Variants in SRSF4 observed in about 807,000 individuals in gnomAD.
SRSF4 encodes the protein serine/arginine-rich splicing factor 4.
Under a neutral mutation model 48.8 loss-of-function variants are expected in SRSF4, and 12 were observed. The ratio of observed to expected loss-of-function variants is 0.25; its 90% CI spans 0.16 to 0.40. SRSF4 has a LOEUF of 0.40. SRSF4 is among the 10% of genes least tolerant of loss of function. The pLI is 1.00. For missense variants in SRSF4, 466 were observed against 667.1 expected, an observed-to-expected ratio of 0.70 and a Z score of 3.32; for synonymous variants, 248 against 232.5, an observed-to-expected ratio of 1.07 and a Z score of -0.61.
intron 3 of SRSF4, among the ~76,000 whole-genome samples, chr1:29,159,017 A>G (rs1449354493): frequency 6.6e-6 from 1 of 151,766 alleles, no homozygotes; most frequent in Non-Finnish European, 1.5e-5. Flanking sequence ...TGAGATGGAG[A>G]ATTGCTTGAA....
intron 3 of SRSF4, among the ~76,000 whole-genome samples, chr1:29,156,856 CT>C (rs1339029115): frequency 6.6e-6 from 1 of 152,172 alleles, no homozygotes; most frequent in Non-Finnish European, 1.5e-5. Context: ...AAAATGGAGG[CT>C]GCAAAAGGCT....
chr1:29,159,587 C>A, intron 2 of SRSF4, 101 bp from the exon 3 acceptor site: 1 of 666,660 alleles, frequency 1.5e-6, no homozygotes, highest in Non-Finnish European at 2.5e-6. Context: ...ACCCCCACCC[C>A]AAACAATAGC....
intron 1 of SRSF4, chr1:29,169,359 GCT>G (rs1672714346): frequency 6.6e-6 from 1 of 152,204 alleles, no homozygotes. Context: ...AGAAACACAA[GCT>G]CTTGCACAGA....
rs754976488 is a variant in SRSF4, at chr1:29,154,709, G to T, written c.565C>A (p.Arg189=). ...CATCAACAGTACCTTGAATGACTCC[G>T]GCTTCTGGAGTAGGACCGGCGTCGT... ...SRRRRSYSRS[R]SHSRSRSRSR... is the part of the protein sequence containing the mutation. Residue 189 remains arginine, a synonymous_variant, in exon 4 of 6, where the codon CGG becomes AGG. Coordinates refer to ENST00000373795, the MANE Select transcript of SRSF4 (RefSeq NM_005626.5). The T allele has an allele frequency of 2.0e-5, 32 of 1,614,002 alleles. No homozygotes were observed. The highest frequency in any genetic ancestry group is 3.3e-4 in the Middle Eastern group (2 of 6,084).
chr1:29,178,738 A>C (rs1423842243), intron 1 of SRSF4, among the ~76,000 whole-genome samples: 3 of 152,088 alleles, frequency 2.0e-5, no homozygotes, highest in Non-Finnish European at 4.4e-5. Flanking sequence ...AGGGGACTAT[A>C]AGCTTACATA....
At chr1:29,156,244 C>T (rs964360521) in intron 3 of SRSF4, among the ~76,000 whole-genome samples, 3 of 151,800 alleles carry the variant, frequency 2.0e-5, no homozygotes, top group South Asian at 2.1e-4. Flanking sequence ...ACCCCAGCTA[C>T]CTGGGAGGCT....
At chr1:29,175,470 T>C (rs961742408) in intron 1 of SRSF4, among the ~76,000 whole-genome samples, 1 of 148,394 alleles carries the variant, frequency 6.7e-6, no homozygotes, top group Non-Finnish European at 1.5e-5. Context: ...CCGAGGCGGG[T>C]GGATCATGAG....
chr1:29,175,694 CAAA>C (rs60942124), intron 1 of SRSF4, among the ~76,000 whole-genome samples: 84 of 38,564 alleles, frequency 2.2e-3, no homozygotes, highest in East Asian at 0.014. Flanking sequence ...GACGCTGTCT[CAAA>C]AAAAAAAAAA....
chr1:29,156,010 C>T (rs1672493766), intron 3 of SRSF4, among the ~76,000 whole-genome samples: 1 of 152,064 alleles, frequency 6.6e-6, no homozygotes, highest in Admixed American at 6.6e-5. Flanking sequence ...CTCCAGCCTG[C>T]TGACAGAGCG....
chr1:29,158,082 C>G (rs1019805927), intron 3 of SRSF4, among the ~76,000 whole-genome samples: 4 of 151,802 alleles, frequency 2.6e-5, no homozygotes, highest in African/African-American at 9.7e-5. Flanking sequence ...TGAGGCAGAA[C>G]TACTTGAACC....
intron 1 of SRSF4, among the ~76,000 whole-genome samples, chr1:29,180,604 G>A (rs12401521): frequency 0.11 from 17,470 of 152,118 alleles, 1,362 homozygotes; most frequent in East Asian, 0.41. Context: ...GCAAAGTAGA[G>A]TTTCTTTTTT....
chr1:29,180,071 C>T (rs562961631), intron 1 of SRSF4, among the ~76,000 whole-genome samples: 6 of 152,214 alleles, frequency 3.9e-5, no homozygotes, highest in Non-Finnish European at 7.3e-5. Context: ...AAGCCAAATG[C>T]TTTACATTTA....
intron 1 of SRSF4, among the ~76,000 whole-genome samples, chr1:29,163,230 A>G (rs1672624555): frequency 6.6e-6 from 1 of 152,226 alleles, no homozygotes; most frequent in Admixed American, 6.5e-5. Flanking sequence ...CAAGTGGGTC[A>G]CTTGGTAAGC....
At chr1:29,150,030 A>G in intron 5 of SRSF4, 73 bp downstream of exon 5, 1 of 1,351,130 alleles carries the variant, frequency 7.4e-7, no homozygotes, top group Non-Finnish European at 1.0e-6. Context: ...TTTGAAAAAA[A>G]AAAGAAAAAA....
At chr1:29,159,651 A>G (rs766383938) in intron 2 of SRSF4, 165 bp from the exon 3 acceptor site, 29 of 463,886 alleles carry the variant, frequency 6.3e-5, no homozygotes, top group Non-Finnish European at 1.0e-4. Flanking sequence ...TAAAGAAGCA[A>G]TCAGCTAAAT....
At position 29,148,854 on chromosome 1, in the gene SRSF4, GCGGCTCCTGCTC is replaced by G. The variant is rs759100445; in HGVS notation, c.1029_1040del (p.Arg345_Ser348del). On this transcript the variant is annotated inframe_deletion, in exon 6 of 6. Coordinates refer to ENST00000373795, the MANE Select transcript of SRSF4 (RefSeq NM_005626.5). ...CCTTCCTCTTGTCCTTGCTCTTGCT[GCGGCTCCTGCTC>G]CGGCTCCTGCTGCCCCCTTTGCTCC... is the stretch of plus-strand genomic sequence containing the variant. 76 of 1,609,652 alleles carry G rather than the reference GCGGCTCCTGCTC, an allele frequency of 4.7e-5. No homozygotes were observed. The Admixed American group carries it at 6.1e-4, about 13-fold the overall frequency.
intron 1 of SRSF4, among the ~76,000 whole-genome samples, chr1:29,180,827 A>G (rs1481573126): frequency 6.6e-6 from 1 of 152,216 alleles, no homozygotes. Flanking sequence ...TAAGAATACA[A>G]GTAATAGATC....
chr1:29,157,443 T>A (rs758788070), intron 3 of SRSF4, among the ~76,000 whole-genome samples: 16 of 152,124 alleles, frequency 1.1e-4, no homozygotes, highest in Admixed American at 2.0e-4. Flanking sequence ...ACCCATGATG[T>A]TCAATCCCTA....
At chr1:29,151,024 T>A (rs1218052504) in intron 4 of SRSF4, among the ~76,000 whole-genome samples, 1 of 152,212 alleles carries the variant, frequency 6.6e-6, no homozygotes, top group African/African-American at 2.4e-5. Flanking sequence ...AAAATTTTTT[T>A]AATGCATCCA....
Sources: allele counts gnomAD v4.1 joint callset (sites outside exome capture counted in the v4.1 genomes callset), GRCh38; gene constraint gnomAD v4.1.1; transcripts MANE v1.5; gene names NCBI Gene and HGNC (gene_info 2026-07-23, HGNC 2026-07-21).